Variants in EDIL3 observed in about 807,000 individuals in gnomAD.
The protein encoded by EDIL3 is EGF like and discoidin domains 3.
EDIL3 carries 37 observed loss-of-function variants against 67.4 expected under a neutral mutation model. The ratio of observed to expected loss-of-function variants is 0.55; its 90% CI spans 0.42 to 0.72. The LOEUF (loss-of-function observed/expected upper bound fraction) is 0.72, where lower values mean the gene tolerates loss of function less well. Among genes scored for constraint, EDIL3 ranks in the 30% least tolerant of loss-of-function variants. The pLI is 0.00. For synonymous variants in EDIL3, 195 were observed against 196.3 expected (o/e 0.99, Z 0.05); for missense variants, 527 against 586.3 (o/e 0.90, Z 1.04).
At chr5:84,376,122 G>A (rs1476252749) in intron 1 of EDIL3, among the ~76,000 whole-genome samples, 1 of 152,096 alleles carries the variant, frequency 6.6e-6, no homozygotes. Context: ...GTAGCTCTAT[G>A]ATCTCTATAT....
At chr5:84,148,733 T>A (rs973073247) in intron 4 of EDIL3, among the ~76,000 whole-genome samples, 2 of 152,122 alleles carry the variant, frequency 1.3e-5, no homozygotes, top group Non-Finnish European at 2.9e-5. Context: ...AAGGCCACCA[T>A]GGAAGAATCT....
chr5:83,954,082 A>G (rs1744464886), intron 10 of EDIL3, among the ~76,000 whole-genome samples: 1 of 151,812 alleles, frequency 6.6e-6, no homozygotes, highest in South Asian at 2.1e-4. Flanking sequence ...AGACATTGTG[A>G]AACTGTTAAG....
At chr5:84,056,549 T>G (rs1746451277) in intron 9 of EDIL3, among the ~76,000 whole-genome samples, 1 of 152,150 alleles carries the variant, frequency 6.6e-6, no homozygotes, top group African/African-American at 2.4e-5. Context: ...TTTCTTAAAC[T>G]ATATGACAAT....
chr5:84,227,828 C>T (rs1744484624), intron 3 of EDIL3, among the ~76,000 whole-genome samples: 1 of 152,048 alleles, frequency 6.6e-6, no homozygotes, highest in South Asian at 2.1e-4. Flanking sequence ...GATCAGAATA[C>T]TAAATACTAC....
At chr5:84,182,380 T>C (rs1283939887) in intron 3 of EDIL3, among the ~76,000 whole-genome samples, 2 of 151,506 alleles carry the variant, frequency 1.3e-5, no homozygotes, top group African/African-American at 4.9e-5. Context: ...TGCTTGAGCC[T>C]AGGAGGTTGA....
chr5:84,355,592 T>A lies in EDIL3; in HGVS notation c.67+28716A>T, dbSNP rs574245340. On this transcript the variant is annotated intron_variant, in intron 1 of 10. Coordinates refer to ENST00000296591, the MANE Select transcript of EDIL3 (RefSeq NM_005711.5). ...GCTGGAGGTCCACTCCAGACCCTGTTTGCCTAGGTATCACCAGCGGAGGCT... is the reference window on the plus strand; with the variant it reads ...GCTGGAGGTCCACTCCAGACCCTGTATGCCTAGGTATCACCAGCGGAGGCT... Among the ~76,000 whole-genome samples the A allele has an allele frequency of 5.3e-5, 8 of 152,240 alleles. No homozygotes were observed. In the East Asian group the frequency reaches 1.6e-3, roughly 30 times the overall value.
At chr5:84,054,966 G>A (rs1478711976) in intron 9 of EDIL3, among the ~76,000 whole-genome samples, 1 of 145,872 alleles carries the variant, frequency 6.9e-6, no homozygotes, top group Non-Finnish European at 1.5e-5. Flanking sequence ...CTACTTTAAA[G>A]TTCATATGGA....
intron 3 of EDIL3, among the ~76,000 whole-genome samples, chr5:84,220,330 T>C (rs13166899): frequency 0.17 from 26,336 of 152,160 alleles, 2,359 homozygotes; most frequent in East Asian, 0.34. Flanking sequence ...CTTGAAAATA[T>C]GTTTATACAG....
At chr5:84,282,457 T>C (rs1441804599) in intron 1 of EDIL3, among the ~76,000 whole-genome samples, 1 of 152,220 alleles carries the variant, frequency 6.6e-6, no homozygotes, top group Non-Finnish European at 1.5e-5. Flanking sequence ...TCATACACTT[T>C]AGTTGCTTTA....
intron 1 of EDIL3, among the ~76,000 whole-genome samples, chr5:84,315,551 C>A (rs1746492729): frequency 1.3e-5 from 2 of 152,118 alleles, no homozygotes; most frequent in South Asian, 4.1e-4. Context: ...TGAACAGATA[C>A]ATTGCTAATT....
intron 9 of EDIL3, among the ~76,000 whole-genome samples, chr5:84,006,056 T>C (rs1377510746): frequency 6.7e-6 from 1 of 148,876 alleles, no homozygotes; most frequent in South Asian, 2.1e-4. Flanking sequence ...AGATCAAGAA[T>C]ATAATTCCAC....
chr5:84,048,864 A>G (rs1162434844), intron 9 of EDIL3, among the ~76,000 whole-genome samples: 2 of 152,152 alleles, frequency 1.3e-5, no homozygotes, highest in Non-Finnish European at 2.9e-5. Context: ...CAAAACCAAA[A>G]TGAATCAGCA....
At chr5:83,968,935 T>C (rs1744743320) in intron 9 of EDIL3, among the ~76,000 whole-genome samples, 1 of 151,826 alleles carries the variant, frequency 6.6e-6, no homozygotes, top group Non-Finnish European at 1.5e-5. Context: ...GAAAAATTTA[T>C]TATTAGAAAA....
intron 9 of EDIL3, among the ~76,000 whole-genome samples, chr5:83,980,211 A>G (rs1744945669): frequency 6.6e-6 from 1 of 151,508 alleles, no homozygotes; most frequent in South Asian, 2.1e-4. Flanking sequence ...TGTACCATCT[A>G]AAAGTGTCAG....
intron 4 of EDIL3, among the ~76,000 whole-genome samples, chr5:84,138,553 CT>C (rs1375518237): frequency 6.6e-6 from 1 of 152,134 alleles, no homozygotes; most frequent in Non-Finnish European, 1.5e-5. Context: ...AATGATAGTT[CT>C]GAAGTCTTGG....
At chr5:84,003,332 C>A (rs1448400115) in intron 9 of EDIL3, among the ~76,000 whole-genome samples, 2 of 152,102 alleles carry the variant, frequency 1.3e-5, no homozygotes, top group Non-Finnish European at 2.9e-5. Context: ...AGGGCCCTGT[C>A]CCTGCTGCCA....
chr5:84,147,688 CA>C (rs1227817411), intron 4 of EDIL3, among the ~76,000 whole-genome samples: 2 of 151,408 alleles, frequency 1.3e-5, no homozygotes, highest in Non-Finnish European at 2.9e-5. Flanking sequence ...TTCAGTTCAC[CA>C]AGTTCAATTA....
At chr5:84,086,320 T>A (rs1747069641) in intron 6 of EDIL3, among the ~76,000 whole-genome samples, 2 of 152,144 alleles carry the variant, frequency 1.3e-5, no homozygotes, top group African/African-American at 2.4e-5. Flanking sequence ...TCTCCTGATC[T>A]GCGGATTGCA....
At chr5:84,314,357 C>G (rs1288549996) in intron 1 of EDIL3, among the ~76,000 whole-genome samples, 1 of 152,194 alleles carries the variant, frequency 6.6e-6, no homozygotes, top group Non-Finnish European at 1.5e-5. Context: ...TTGAATCACT[C>G]TGCTAGGTCT....
Sources: allele counts gnomAD v4.1 joint callset (sites outside exome capture counted in the v4.1 genomes callset), GRCh38; gene constraint gnomAD v4.1.1; transcripts MANE v1.5; gene names NCBI Gene and HGNC (gene_info 2026-07-23, HGNC 2026-07-21).